Variants in ATP13A3 observed in about 807,000 individuals in gnomAD.
The protein encoded by ATP13A3 is ATPase 13A3, also known as polyamine-transporting ATPase 13A3.
A neutral mutation model predicts 158.1 loss-of-function variants in ATP13A3; 59 were observed. That is an observed-to-expected ratio of 0.37 (90% CI 0.30 to 0.46). ATP13A3 has a LOEUF of 0.46. Ranked by LOEUF, ATP13A3 falls within the 20% of genes least tolerant of loss-of-function variation. The pLI, the probability that ATP13A3 is intolerant of heterozygous loss-of-function variation, is 1.00. For synonymous variants in ATP13A3, 491 were observed against 504.3 expected, an observed-to-expected ratio of 0.97 and a Z score of 0.35; for missense variants, 1,166 against 1,525.2, an observed-to-expected ratio of 0.76 and a Z score of 3.92.
intron 31 of ATP13A3, among the ~76,000 whole-genome samples, chr3:194,415,675 T>TG (rs1715794776): frequency 7.0e-6 from 1 of 143,370 alleles, no homozygotes; most frequent in African/African-American, 2.6e-5. Flanking sequence ...TTTTTTTTTT[T>TG]TTTTTTTTTT....
At chr3:194,427,399 T>C in intron 28 of ATP13A3, 147 bp from the exon 29 acceptor site, 1 of 671,366 alleles carries the variant, frequency 1.5e-6, no homozygotes, top group East Asian at 2.9e-5. Flanking sequence ...CCAAGCCACA[T>C]ATCGTACATA....
At chr3:194,462,576 C>T (rs1293216818) in intron 2 of ATP13A3, among the ~76,000 whole-genome samples, 1 of 152,230 alleles carries the variant, frequency 6.6e-6, no homozygotes, top group East Asian at 1.9e-4. Flanking sequence ...CATCCCTCCC[C>T]ACCCGTAACT....
chr3:194,438,639 T>G (rs551934987), intron 17 of ATP13A3, among the ~76,000 whole-genome samples: 3 of 152,170 alleles, frequency 2.0e-5, no homozygotes, highest in East Asian at 3.9e-4. Context: ...AAATGAGAAT[T>G]AAATGTAAGT....
intron 31 of ATP13A3, among the ~76,000 whole-genome samples, chr3:194,417,990 AG>A (rs1716006207): frequency 2.1e-5 from 1 of 47,812 alleles, no homozygotes; most frequent in African/African-American, 8.3e-5. Flanking sequence ...GAAGGAAGGG[AG>A]GGAGGGAGGG....
chr3:194,407,115 A>G (rs1312750814), intron 33 of ATP13A3, among the ~76,000 whole-genome samples: 1 of 151,922 alleles, frequency 6.6e-6, no homozygotes, highest in Non-Finnish European at 1.5e-5. Flanking sequence ...ATTTGTCTCA[A>G]TTGAAATTTG....
rs778285238 is a variant in ATP13A3 at position 194,438,865 on chromosome 3, G to T, written c.1818C>A (p.Asn606Lys). 1 of 1,577,460 alleles carries T rather than the reference G, an allele frequency of 6.3e-7. No homozygotes were observed. The highest frequency in any genetic ancestry group is 1.2e-5 in the South Asian group (1 of 86,730). Residue 606 changes from asparagine (N) to lysine (K), a missense_variant, in exon 17 of 34, where the codon AAC becomes AAA. Physicochemically the swap from Asn to Lys is moderately conservative, Grantham distance 94 (BLOSUM62 0). Coordinates refer to ENST00000645319, the MANE Select transcript of ATP13A3 (RefSeq NM_001367549.1). The part of the protein sequence containing the change: ...QLLPESTPAG[N>K]QEMELFELPA... ...TTAAGTGATTTCTCACCATTTCTTG[G>T]TTTCCTGCAGGGGTAGATTCAGGAA...
chr3:194,415,671 T>C (rs1446487362), intron 31 of ATP13A3, among the ~76,000 whole-genome samples: 1 of 141,780 alleles, frequency 7.1e-6, no homozygotes, highest in Non-Finnish European at 1.5e-5. Flanking sequence ...CTTTTTTTTT[T>C]TTTTTTTTTT....
chr3:194,408,956 C>A (rs1182183999), intron 33 of ATP13A3, among the ~76,000 whole-genome samples: 2 of 152,142 alleles, frequency 1.3e-5, no homozygotes, highest in Non-Finnish European at 2.9e-5. Flanking sequence ...TGAAACAGGG[C>A]ATCGGGGGCA....
chr3:194,409,412 C>A (rs918710579), intron 33 of ATP13A3, among the ~76,000 whole-genome samples: 1 of 152,010 alleles, frequency 6.6e-6, no homozygotes, highest in African/African-American at 2.4e-5. Flanking sequence ...GATTTTTCAC[C>A]AAGGAAGAAA....
At chr3:194,423,167 C>A (rs887422540) in intron 30 of ATP13A3, among the ~76,000 whole-genome samples, 6 of 151,968 alleles carry the variant, frequency 3.9e-5, no homozygotes, top group Admixed American at 3.3e-4. Flanking sequence ...GAAATGAAGG[C>A]AGCTGAATGA....
chr3:194,489,031 C>T (rs1203848909), upstream of ATP13A3, among the ~76,000 whole-genome samples: 1 of 152,226 alleles, frequency 6.6e-6, no homozygotes, highest in Non-Finnish European at 1.5e-5. The surrounding 1 kb of genome is among the most constrained non-coding windows in gnomAD (Gnocchi z 4.1). Context: ...GCTGTTGGCA[C>T]CACCATCTCC....
chr3:194,426,944 C>T, intron 29 of ATP13A3, 131 bp downstream of exon 29: 1 of 960,528 alleles, frequency 1.0e-6, no homozygotes, highest in South Asian at 1.7e-5. Context: ...TCGGCCTCCC[C>T]AAAGTACTAG....
intron 2 of ATP13A3, among the ~76,000 whole-genome samples, chr3:194,480,847 G>A (rs1188046963): frequency 1.3e-5 from 2 of 152,142 alleles, no homozygotes; most frequent in Admixed American, 6.6e-5. Context: ...ATGAAATGAA[G>A]ACTATAAATC....
upstream of ATP13A3, among the ~76,000 whole-genome samples, chr3:194,491,533 AC>A (rs1721145475): frequency 2.4e-5 from 2 of 83,628 alleles, no homozygotes; most frequent in South Asian, 4.1e-4. Context: ...TGTCCCCTCC[AC>A]TCTCACCTGG....
At chr3:194,441,211 G>A in intron 16 of ATP13A3, 100 bp downstream of exon 16, 1 of 950,718 alleles carries the variant, frequency 1.1e-6, no homozygotes, top group Non-Finnish European at 1.6e-6. Context: ...AAGATAGACT[G>A]TCATTAAAAC....
chr3:194,410,937 G>GGT (rs34952393), intron 33 of ATP13A3, among the ~76,000 whole-genome samples: 14,575 of 126,986 alleles, frequency 0.11, 928 homozygotes, highest in Non-Finnish European at 0.15. Flanking sequence ...GGGGTGTTGG[G>GGT]GTGTGTGTGT....
intron 27 of ATP13A3, among the ~76,000 whole-genome samples, chr3:194,429,225 G>A (rs1200831302): frequency 3.9e-5 from 6 of 152,004 alleles, no homozygotes; most frequent in African/African-American, 7.3e-5. Flanking sequence ...TCAAGAGATC[G>A]AGACCACCCT....
intron 3 of ATP13A3, among the ~76,000 whole-genome samples, chr3:194,461,105 T>C (rs1719626487): frequency 1.3e-5 from 2 of 152,228 alleles, no homozygotes; most frequent in African/African-American, 4.8e-5. Context: ...TAAATTCATA[T>C]TTAGTACACT....
intron 3 of ATP13A3, 86 bp from the exon 4 acceptor site, chr3:194,460,917 C>T: frequency 3.7e-6 from 5 of 1,362,512 alleles, no homozygotes; most frequent in Non-Finnish European, 5.0e-6. Context: ...CTTTGTTTTC[C>T]AGATAGGTAT....
Sources: gnomAD v4.1 joint callset for allele counts (sites outside exome capture counted in the v4.1 genomes callset) on GRCh38, gnomAD v4.1.1 for gene constraint, Gnocchi (gnomAD v3.1) non-coding constraint, MANE v1.5 for transcripts, NCBI Gene and HGNC (gene_info 2026-07-23, HGNC 2026-07-21) for gene names.